The following NCMAP variants were observed in gnomAD, a reference collection of about 807,000 sequenced individuals.
NCMAP encodes the protein non-compact myelin associated protein, also known as noncompact myelin-associated protein.
In NCMAP, 8 loss-of-function variants were observed where a neutral mutation model predicts 7.8. That is an observed-to-expected ratio of 1.02 (90% confidence interval 0.60 to 1.84). The LOEUF is 1.84. Ranked by LOEUF, NCMAP falls within the 40% of genes most tolerant of loss-of-function variation. The probability of loss-of-function intolerance (pLI) is 0.00; values close to 1 mark genes in which losing one functional copy is unlikely to be tolerated. For missense variants in NCMAP, 112 were observed against 131.4 expected (o/e 0.85, Z 0.72); for synonymous variants, 41 against 52.9 (o/e 0.78, Z 0.98).
rs114986018 is a variant in NCMAP at position 24,574,574 on chromosome 1, A to G, written c.-8+18405A>G. Among the ~76,000 whole-genome samples the G allele has an allele frequency of 9.8e-3, 1,498 of 152,150 alleles. 29 individuals carry two copies. Among genetic ancestry groups the G allele is most frequent in the African/African-American group, 0.035 (1,432 of 41,504 alleles). ...ATTGCATAAGCCCATTCCCTTAGTA[A>G]GTCCCCTCTTCTGTATCTGTATAAC... is the stretch of plus-strand genomic sequence containing the variant. On this transcript the variant is annotated intron_variant, in intron 1 of 3. Coordinates refer to ENST00000374392, the MANE Select transcript of NCMAP (RefSeq NM_001010980.5).
chr1:24,605,641 G>A lies in NCMAP; in HGVS notation c.203G>A (p.Gly68Asp). The change falls in exon 4 of 4, where the codon GGC becomes GAC. Residue 68 changes from glycine (G) to aspartate (D), a missense_variant. Physicochemically the swap from Gly to Asp is moderately conservative, Grantham distance 94 (BLOSUM62 -1). Transcript: ENST00000374392. ...ACGAGGCGGGAACTAGAGCCCAAGG[G>A]CCCCAAGCCAACCGCCCCTTCTGCC... ...MRTRRELEPK[G>D]PKPTAPSAVG... 1.2e-6 allele frequency: 2 copies of A among 1,614,182 alleles called. No homozygotes were observed. The highest frequency in any genetic ancestry group is 1.3e-5 in the African/African-American group (1 of 75,042).
chr1:24,560,159 T>G (rs1411798963), intron 1 of NCMAP, among the ~76,000 whole-genome samples: 2 of 43,620 alleles, frequency 4.6e-5, no homozygotes, highest in African/African-American at 2.7e-4. Flanking sequence ...AGACTCCATC[T>G]CAAAAAAAAA....
intron 1 of NCMAP, among the ~76,000 whole-genome samples, chr1:24,587,108 C>T (rs1323773236): frequency 6.6e-6 from 1 of 152,182 alleles, no homozygotes; most frequent in African/African-American, 2.4e-5. Flanking sequence ...TTCAGGCTCA[C>T]ATCTGATAAG....
chr1:24,568,939 T>G (rs538240018), intron 1 of NCMAP, among the ~76,000 whole-genome samples: 2 of 152,202 alleles, frequency 1.3e-5, no homozygotes, highest in African/African-American at 4.8e-5. Context: ...GTAGGGGTTC[T>G]TGAGAGCCCA....
At position 24,571,242 on chromosome 1, in the gene NCMAP, C is replaced by T. The variant is rs558000715; in HGVS notation, c.-8+15073C>T. ...CTGTAATCCTAGCACTTTGGGAGGC[C>T]GAGGCAGGCGGATCACGGGGTCAGG... On this transcript the variant is annotated intron_variant, in intron 1 of 3. Transcript: ENST00000374392. 1.2e-4 allele frequency among the ~76,000 whole-genome samples: 18 copies of T among 150,646 alleles called. 2 individuals carry two copies. The highest frequency in any genetic ancestry group is 3.7e-4 in the African/African-American group (15 of 40,048).
intron 2 of NCMAP, among the ~76,000 whole-genome samples, chr1:24,599,638 C>CGA (rs2148937772): frequency 6.6e-6 from 1 of 152,162 alleles, no homozygotes; most frequent in South Asian, 2.1e-4. Flanking sequence ...AGTGCAGTGG[C>CGA]ACGATCTCGG....
chr1:24,577,257 T>G (rs1418619687), intron 1 of NCMAP, among the ~76,000 whole-genome samples: 1 of 152,132 alleles, frequency 6.6e-6, no homozygotes, highest in Admixed American at 6.5e-5. Flanking sequence ...TTGTCATCCT[T>G]AACTCATTAA....
At chr1:24,562,977 G>T (rs560377895) in intron 1 of NCMAP, among the ~76,000 whole-genome samples, 1 of 152,164 alleles carries the variant, frequency 6.6e-6, no homozygotes, top group Non-Finnish European at 1.5e-5. Context: ...GGCATCCCTG[G>T]GGGGGGACAG....
chr1:24,586,757 C>G (rs1324096485), intron 1 of NCMAP, among the ~76,000 whole-genome samples: 1 of 97,728 alleles, frequency 1.0e-5, no homozygotes, highest in Non-Finnish European at 2.0e-5. Flanking sequence ...GAGACTCCAT[C>G]TCAAAAAAAA....
chr1:24,564,624 G>A (rs937377017), intron 1 of NCMAP, among the ~76,000 whole-genome samples: 6 of 149,972 alleles, frequency 4.0e-5, no homozygotes, highest in Non-Finnish European at 5.9e-5. Flanking sequence ...AATAATTGAC[G>A]AAATAATGGA....
chr1:24,606,069 C>T lies in NCMAP; in HGVS notation c.*322C>T. Reference sequence around the variant, plus strand: ...TGTAGTTAGACAGATAGACAGATAGCCCAGGAGCCAGGTGTCAGGGAGCAC... The same window carrying T: ...TGTAGTTAGACAGATAGACAGATAGTCCAGGAGCCAGGTGTCAGGGAGCAC... On this transcript the variant is annotated 3_prime_UTR_variant, in exon 4 of 4. Transcript: ENST00000374392. 3.5e-6 allele frequency: 1 copy of T among 281,922 alleles called. No homozygotes were observed. Among genetic ancestry groups the T allele is most frequent in the South Asian group, 7.0e-5 (1 of 14,186 alleles). 17.5% of individuals were successfully genotyped at this position (281,922 alleles called of 1,614,324 possible).
chr1:24,559,191 T>G (rs900372529), intron 1 of NCMAP, among the ~76,000 whole-genome samples: 2 of 152,188 alleles, frequency 1.3e-5, no homozygotes, highest in Non-Finnish European at 2.9e-5. Context: ...GCGGCCGGTT[T>G]GTTTGTCCTG....
intron 1 of NCMAP, among the ~76,000 whole-genome samples, chr1:24,568,101 C>T (rs936706389): frequency 2.6e-5 from 4 of 152,124 alleles, no homozygotes; most frequent in African/African-American, 7.2e-5. Context: ...GCCTGGAACA[C>T]GGGGCAACTC....
chr1:24,601,913 C>T (rs1287604833), intron 3 of NCMAP, among the ~76,000 whole-genome samples: 1 of 152,050 alleles, frequency 6.6e-6, no homozygotes, highest in South Asian at 2.1e-4. Context: ...TGGCGGCGTG[C>T]GCCTGTAGTC....
intron 1 of NCMAP, among the ~76,000 whole-genome samples, chr1:24,562,601 G>A (rs911664596): frequency 6.6e-6 from 1 of 152,226 alleles, no homozygotes; most frequent in Non-Finnish European, 1.5e-5. Context: ...CCACTATTCT[G>A]CCCTTCAGGG....
intron 1 of NCMAP, chr1:24,589,353 A>AC (rs1651979090): frequency 6.6e-6 from 1 of 152,182 alleles, no homozygotes; most frequent in Admixed American, 6.5e-5. Context: ...GGGGCCCCAC[A>AC]CATGAAAACA....
chr1:24,581,420 G>A (rs1276687936), intron 1 of NCMAP, among the ~76,000 whole-genome samples: 1 of 152,144 alleles, frequency 6.6e-6, no homozygotes, highest in Non-Finnish European at 1.5e-5. Flanking sequence ...ACCGGCCCCT[G>A]CTTTCTTTTG....
At chr1:24,574,794 CTT>C (rs772381377) in intron 1 of NCMAP, among the ~76,000 whole-genome samples, 57 of 131,760 alleles carry the variant, frequency 4.3e-4, no homozygotes, top group African/African-American at 5.5e-4. Context: ...GCCCGCAATA[CTT>C]TTTTTTTTTT....
At chr1:24,559,214 G>A (rs1372400822) in intron 1 of NCMAP, among the ~76,000 whole-genome samples, 1 of 152,190 alleles carries the variant, frequency 6.6e-6, no homozygotes, top group African/African-American at 2.4e-5. Context: ...CAACCTCCAA[G>A]CCTTGTTCTA....
Sources: gnomAD v4.1 joint callset for allele counts (sites outside exome capture counted in the v4.1 genomes callset) on GRCh38, gnomAD v4.1.1 for gene constraint, MANE v1.5 for transcripts, NCBI Gene and HGNC (gene_info 2026-07-23, HGNC 2026-07-21) for gene names.